Variants in SOD2 observed in about 807,000 individuals in gnomAD.
SOD2 encodes the protein superoxide dismutase [Mn], mitochondrial.
SOD2 carries 11 observed loss-of-function variants against 27.0 expected under a neutral mutation model. The ratio of observed to expected loss-of-function variants is 0.41; its 90% CI spans 0.26 to 0.67. The LOEUF (loss-of-function observed/expected upper bound fraction) is 0.67, where lower values mean the gene tolerates loss of function less well. Ranked by LOEUF, SOD2 falls within the 30% of genes least tolerant of loss-of-function variation. The pLI, the probability that SOD2 is intolerant of heterozygous loss-of-function variation, is 0.34. For synonymous variants in SOD2, 105 were observed against 103.0 expected (o/e 1.02, Z -0.12); for missense variants, 250 against 274.5 (o/e 0.91, Z 0.63).
chr6:159,713,631 C>A, intron 1 of SOD2: 1 of 1,027,840 alleles, frequency 9.7e-7, no homozygotes, highest in Non-Finnish European at 1.5e-6. Context: ...CTTCCTTGGA[C>A]AGCCAAATGG....
intron 1 of SOD2, among the ~76,000 whole-genome samples, chr6:159,742,960 T>G (rs896405967): frequency 2.0e-5 from 3 of 152,176 alleles, no homozygotes; most frequent in African/African-American, 7.2e-5. Flanking sequence ...GAGCCCTGAT[T>G]GTGCCACTGG....
intron 1 of SOD2, among the ~76,000 whole-genome samples, chr6:159,705,506 G>C (rs1777608595): frequency 6.6e-6 from 1 of 152,216 alleles, no homozygotes; most frequent in Non-Finnish European, 1.5e-5. Context: ...CGATCAACTG[G>C]AAGAAAGGGT....
Position 159,692,882 on chromosome 6 carries a change from A to T in SOD2, c.24-19T>A. The T allele has an allele frequency of 1.3e-6, 2 of 1,574,080 alleles. No homozygotes were observed. The highest frequency in any genetic ancestry group is 1.7e-6 in the Non-Finnish European group (2 of 1,161,556). On this transcript the variant is annotated intron_variant, in intron 1 of 4. Transcript: ENST00000538183. ...GCTGGTGCTGAAGACGAGAAAGCAC[A>T]GCCCGGTCAGTCAGCGCCGCGGGAC... is the stretch of plus-strand genomic sequence containing the variant.
At chr6:159,717,865 T>TA (rs1409494051) in intron 1 of SOD2, among the ~76,000 whole-genome samples, 1 of 151,900 alleles carries the variant, frequency 6.6e-6, no homozygotes, top group African/African-American at 2.4e-5. Flanking sequence ...CTCCTGTGGC[T>TA]AAATAGTATT....
At chr6:159,747,614 T>C (rs1431981033), upstream of SOD2, among the ~76,000 whole-genome samples, 2 of 152,242 alleles carry the variant, frequency 1.3e-5, no homozygotes, top group African/African-American at 2.4e-5. Flanking sequence ...TTTTAAGTTA[T>C]AATCTTGCAC....
chr6:159,735,045 A>G (rs1294890479), intron 1 of SOD2, among the ~76,000 whole-genome samples: 1 of 152,192 alleles, frequency 6.6e-6, no homozygotes, highest in African/African-American at 2.4e-5. Flanking sequence ...AATTTTGTAT[A>G]ATAAAGAAGC....
chr6:159,697,305 T>G (rs1306432242), upstream of SOD2, among the ~76,000 whole-genome samples: 1 of 151,880 alleles, frequency 6.6e-6, no homozygotes, highest in East Asian at 1.9e-4. Flanking sequence ...TTTTTAAAAT[T>G]TGGGGTCACA....
intron 1 of SOD2, among the ~76,000 whole-genome samples, chr6:159,700,977 A>G (rs1402724732): frequency 6.6e-6 from 1 of 152,144 alleles, no homozygotes; most frequent in African/African-American, 2.4e-5. Flanking sequence ...AGGAGACACA[A>G]ATTCTCAGTG....
upstream of SOD2, chr6:159,748,901 T>G: frequency 8.5e-7 from 1 of 1,179,610 alleles, no homozygotes; most frequent in Non-Finnish European, 1.0e-6. This position sits in a 1 kb window ranked among gnomAD's most constrained non-coding sequence, Gnocchi z 5.6. Context: ...ACTTCATGAT[T>G]GTTGTTGAAC....
intron 1 of SOD2, chr6:159,755,327 T>C: frequency 6.2e-7 from 1 of 1,614,250 alleles, no homozygotes; most frequent in Non-Finnish European, 8.5e-7. Context: ...CGAAGATGAC[T>C]TTCCTTCTTC....
intron 1 of SOD2, among the ~76,000 whole-genome samples, chr6:159,702,597 C>A (rs1777541467): frequency 7.5e-6 from 1 of 132,590 alleles, no homozygotes; most frequent in Non-Finnish European, 1.5e-5. Context: ...CCTGCCCAGC[C>A]TATAAACAAT....
At chr6:159,762,016 C>A in exon 1 of SOD2, 3 of 1,570,608 alleles carry the variant, frequency 1.9e-6, no homozygotes, top group Non-Finnish European at 2.6e-6. Flanking sequence ...CCGCGGCAGG[C>A]CTGTGGGCTG....
At chr6:159,717,927 G>A (rs375338771) in intron 1 of SOD2, among the ~76,000 whole-genome samples, 35 of 141,942 alleles carry the variant, frequency 2.5e-4, no homozygotes, top group Admixed American at 2.2e-3. Flanking sequence ...GTGTGTGTGT[G>A]TATATGTGTA....
exon 1 of SOD2, chr6:159,761,947 G>C (rs775177847): frequency 1.0e-6 from 1 of 990,584 alleles, no homozygotes. Flanking sequence ...AGTGGGATGC[G>C]CGGGGAGGTG....
rs764445768 is a variant in SOD2 at position 159,753,416 on chromosome 6, G to A, written c.-335-4740C>T. On this transcript the variant is annotated intron_variant, in intron 1 of 7. Coordinates refer to the SOD2 transcript ENST00000546087. ...TGTAATAATTGTAAGCAAAGACAGA[G>A]AGTTTTGTCTTCATTTTGTGATGGA... The A allele has an allele frequency of 1.9e-6, 3 of 1,613,370 alleles. No homozygotes were observed. In the South Asian group the frequency reaches 3.3e-5, roughly 18 times the overall value.
chr6:159,706,438 G>A (rs1777628694), intron 1 of SOD2, among the ~76,000 whole-genome samples: 1 of 151,726 alleles, frequency 6.6e-6, no homozygotes, highest in African/African-American at 2.4e-5. Context: ...CCCAGCAAGT[G>A]GAATACAAAA....
chr6:159,690,098 A>C (rs1780380004), intron 2 of SOD2, among the ~76,000 whole-genome samples: 1 of 151,038 alleles, frequency 6.6e-6, no homozygotes, highest in Admixed American at 6.6e-5. Flanking sequence ...AGCCTGGACG[A>C]CATGGAAAAA....
At chr6:159,753,063 A>G (rs1454677420) in intron 1 of SOD2, among the ~76,000 whole-genome samples, 1 of 152,228 alleles carries the variant, frequency 6.6e-6, no homozygotes, top group African/African-American at 2.4e-5. Flanking sequence ...TTGATGTTGC[A>G]TGTACCTTTT....
chr6:159,692,809 G>A lies in SOD2; in HGVS notation c.78C>T (p.His26=). 6.2e-7 allele frequency: 1 copy of A among 1,613,902 alleles called. No individual in the cohort carries two copies. Among genetic ancestry groups the A allele is most frequent in the Non-Finnish European group, 8.5e-7 (1 of 1,179,962 alleles). ...AGTCGTAGGGCAGGTCGGGGAGGCT[G>A]TGCTTCTGCCTGGAGCCCAGATACC... The part of the protein sequence containing the change: ...VLGYLGSRQK[H]SLPDLPYDYG... Residue 26 remains histidine (H), a synonymous_variant, in exon 2 of 5, where the codon CAC becomes CAT. Coordinates refer to ENST00000538183, the MANE Select transcript of SOD2 (RefSeq NM_000636.4).
Sources: gnomAD v4.1 joint callset for allele counts (sites outside exome capture counted in the v4.1 genomes callset) on GRCh38, gnomAD v4.1.1 for gene constraint, Gnocchi (gnomAD v3.1) non-coding constraint, MANE v1.5 for transcripts, NCBI Gene and HGNC (gene_info 2026-07-23, HGNC 2026-07-21) for gene names.